RBP2: variants seen among roughly 807,000 people sequenced by gnomAD.
RBP2 encodes retinol-binding protein 2.
A neutral mutation model predicts 17.0 loss-of-function variants in RBP2; 17 were observed. That is an observed-to-expected ratio of 1.00 (90% CI 0.68 to 1.50). The LOEUF (loss-of-function observed/expected upper bound fraction) is 1.50. Among genes scored for constraint, RBP2 ranks in the 40% most tolerant of loss-of-function variants. The pLI is 0.00. For missense variants in RBP2, 158 were observed against 168.2 expected (o/e 0.94, Z 0.33); for synonymous variants, 48 against 57.1 (o/e 0.84, Z 0.72).
intron 1 of RBP2, among the ~76,000 whole-genome samples, chr3:139,473,737 C>T (rs1933638303): frequency 6.6e-6 from 1 of 152,218 alleles, no homozygotes; most frequent in Non-Finnish European, 1.5e-5. Flanking sequence ...CTAGCTGAGC[C>T]CCCTGAGACC....
intron 2 of RBP2, among the ~76,000 whole-genome samples, chr3:139,460,299 G>A (rs1470369278): frequency 1.3e-5 from 2 of 152,212 alleles, no homozygotes; most frequent in East Asian, 1.9e-4. Context: ...TCCCCTCAGG[G>A]AGGGGTTCCA....
At chr3:139,470,816 G>A (rs1933540770) in intron 1 of RBP2, among the ~76,000 whole-genome samples, 1 of 151,884 alleles carries the variant, frequency 6.6e-6, no homozygotes, top group Non-Finnish European at 1.5e-5. Flanking sequence ...TGAACTCCTG[G>A]CCTCATGTCA....
intron 2 of RBP2, among the ~76,000 whole-genome samples, chr3:139,455,631 A>G (rs1943381431): frequency 6.6e-6 from 1 of 152,210 alleles, no homozygotes; most frequent in Non-Finnish European, 1.5e-5. Context: ...TTTCTCCTTC[A>G]GGAATCACAC....
chr3:139,457,680 T>C (rs1457374610), intron 2 of RBP2, among the ~76,000 whole-genome samples: 1 of 152,050 alleles, frequency 6.6e-6, no homozygotes, highest in Non-Finnish European at 1.5e-5. Context: ...GTTGGTGCCC[T>C]TCATCCCTGC....
chr3:139,476,296 T>A lies in RBP2; in HGVS notation c.73+91A>T. Reference sequence around the variant, plus strand: ...ATGAGGCATGAGGATTTGCCACAGGTCTGTTGAACTCCATAGCAGCACTGT... The same window carrying A: ...ATGAGGCATGAGGATTTGCCACAGGACTGTTGAACTCCATAGCAGCACTGT... On this transcript the variant is annotated intron_variant, in intron 1 of 3. Coordinates refer to ENST00000232217, the MANE Select transcript of RBP2 (RefSeq NM_004164.3). 4 of 1,015,698 alleles carry A rather than the reference T, an allele frequency of 3.9e-6. No homozygotes were observed. In the South Asian group the frequency reaches 5.7e-5, roughly 14 times the overall value. The allele number at this position is 1,015,698 out of a possible 1,614,324, so 62.9% of individuals were successfully genotyped here.
intron 2 of RBP2, among the ~76,000 whole-genome samples, chr3:139,461,334 T>C (rs550529342): frequency 5.3e-5 from 8 of 152,302 alleles, no homozygotes; most frequent in Middle Eastern, 3.4e-3. Flanking sequence ...CCTACTCCCC[T>C]CTCAGAGTTG....
At chr3:139,462,500 G>A (rs1408045006) in intron 1 of RBP2, among the ~76,000 whole-genome samples, 1 of 149,008 alleles carries the variant, frequency 6.7e-6, no homozygotes, top group South Asian at 2.1e-4. Flanking sequence ...ACCTCCTCAG[G>A]ATCCCTGATG....
chr3:139,467,624 T>G (rs1933408961), intron 1 of RBP2, among the ~76,000 whole-genome samples: 5 of 152,172 alleles, frequency 3.3e-5, no homozygotes, highest in Admixed American at 3.3e-4. Flanking sequence ...TCAGTAAAAA[T>G]AATGGTAAAA....
Position 139,464,193 on chromosome 3 carries a change from C to A in RBP2, c.74-1903G>T, listed in dbSNP as rs578059727. On this transcript the variant is annotated intron_variant, in intron 1 of 3. Coordinates refer to ENST00000232217, the MANE Select transcript of RBP2 (RefSeq NM_004164.3). Reference sequence around the variant, plus strand: ...CCTTCTTTGGGTCTGGGCCTGGTGGCTCACGCCTGTAATCCCAGCACTTTG... The same window carrying A: ...CCTTCTTTGGGTCTGGGCCTGGTGGATCACGCCTGTAATCCCAGCACTTTG... Among the ~76,000 whole-genome samples, 172 of 152,332 alleles carry A rather than the reference C, an allele frequency of 1.1e-3. 1 individual carries two copies. The highest frequency in any genetic ancestry group is 4.1e-3 in the African/African-American group (169 of 41,574).
chr3:139,474,055 C>T (rs1056302569), intron 1 of RBP2, among the ~76,000 whole-genome samples: 9 of 152,166 alleles, frequency 5.9e-5, no homozygotes, highest in Admixed American at 1.3e-4. Flanking sequence ...AGAGATCAAA[C>T]GACTTGCTCA....
chr3:139,465,582 C>T (rs1316409034), intron 1 of RBP2, among the ~76,000 whole-genome samples: 1 of 151,994 alleles, frequency 6.6e-6, no homozygotes, highest in Non-Finnish European at 1.5e-5. Flanking sequence ...CTGGGGTAGC[C>T]CAGTTAGACC....
At chr3:139,454,600 C>G in intron 3 of RBP2, 129 bp downstream of exon 3, 2 of 778,488 alleles carry the variant, frequency 2.6e-6, no homozygotes, top group Non-Finnish European at 4.5e-6. Context: ...GACTATATGA[C>G]CACATGCATT....
intron 1 of RBP2, among the ~76,000 whole-genome samples, chr3:139,474,161 T>C (rs1933652338): frequency 6.6e-6 from 1 of 152,194 alleles, no homozygotes; most frequent in South Asian, 2.1e-4. Flanking sequence ...CATTAGGAAG[T>C]CCAATCTGAA....
chr3:139,474,735 T>C (rs1361428852), intron 1 of RBP2, among the ~76,000 whole-genome samples: 1 of 152,226 alleles, frequency 6.6e-6, no homozygotes, highest in Non-Finnish European at 1.5e-5. Context: ...GAGCAAGCCC[T>C]GGACTCTAGT....
chr3:139,475,149 T>A (rs1933694466), intron 1 of RBP2, among the ~76,000 whole-genome samples: 1 of 151,274 alleles, frequency 6.6e-6, no homozygotes, highest in African/African-American at 2.4e-5. Context: ...GTGAAATCCG[T>A]CTCTATTAAA....
intron 1 of RBP2, 42 bp from the exon 2 acceptor site, chr3:139,462,332 C>A (rs753082251): frequency 6.3e-5 from 100 of 1,589,210 alleles, no homozygotes; most frequent in Non-Finnish European, 8.6e-5. Flanking sequence ...TGTGCTCAGC[C>A]AGACTCATTC....
intron 2 of RBP2, among the ~76,000 whole-genome samples, chr3:139,459,486 G>GGT (rs1156934743): frequency 6.7e-6 from 1 of 148,420 alleles, no homozygotes; most frequent in African/African-American, 2.5e-5. Flanking sequence ...AGCCAGGCAT[G>GGT]GTGGCGCACG....
chr3:139,475,510 G>A (rs1381771253), intron 1 of RBP2, among the ~76,000 whole-genome samples: 1 of 151,890 alleles, frequency 6.6e-6, no homozygotes, highest in East Asian at 1.9e-4. Flanking sequence ...AGTTATTATT[G>A]GGCCTCTAAC....
At chr3:139,468,346 T>C (rs1933433142) in intron 1 of RBP2, among the ~76,000 whole-genome samples, 1 of 152,210 alleles carries the variant, frequency 6.6e-6, no homozygotes, top group Non-Finnish European at 1.5e-5. Context: ...CCTGGTTGCA[T>C]AGAAAGGTAG....
Sources: gnomAD v4.1 joint callset for allele counts (sites outside exome capture counted in the v4.1 genomes callset) on GRCh38, gnomAD v4.1.1 for gene constraint, MANE v1.5 for transcripts, NCBI Gene and HGNC (gene_info 2026-07-23, HGNC 2026-07-21) for gene names.